The following RASGRF2 variants were observed in gnomAD, a reference collection of about 807,000 sequenced individuals.
RASGRF2 encodes the protein ras-specific guanine nucleotide-releasing factor 2.
A neutral mutation model predicts 151.0 loss-of-function variants in RASGRF2; 76 were observed. The observed-to-expected ratio is 0.50, with a 90% CI of 0.42 to 0.61. The LOEUF is 0.61. Ranked by LOEUF, RASGRF2 falls within the 20% of genes least tolerant of loss-of-function variation. The pLI is 0.00. For missense variants in RASGRF2, 1,148 were observed against 1,564.6 expected, an observed-to-expected ratio of 0.73 and a Z score of 4.49; for synonymous variants, 504 against 566.5, an observed-to-expected ratio of 0.89 and a Z score of 1.57.
At chr5:81,040,457 C>T (rs373555573) in intron 1 of RASGRF2, among the ~76,000 whole-genome samples, 108 of 152,286 alleles carry the variant, frequency 7.1e-4, no homozygotes, top group African/African-American at 2.5e-3. Context: ...TAATAATTAT[C>T]AATACAATAG....
At chr5:81,059,708 G>A (rs533926713) in intron 2 of RASGRF2, among the ~76,000 whole-genome samples, 1 of 151,718 alleles carries the variant, frequency 6.6e-6, no homozygotes, top group East Asian at 1.9e-4. Context: ...AGCCAGGCAT[G>A]GTGGCGGGCA....
chr5:81,190,950 G>C (rs1755142206), intron 18 of RASGRF2, among the ~76,000 whole-genome samples: 1 of 152,190 alleles, frequency 6.6e-6, no homozygotes, highest in Non-Finnish European at 1.5e-5. Context: ...TCTTATCTCT[G>C]TTGTAAGAGT....
At chr5:81,025,357 G>A (rs1401586075) in intron 1 of RASGRF2, among the ~76,000 whole-genome samples, 2 of 152,166 alleles carry the variant, frequency 1.3e-5, no homozygotes, top group Admixed American at 1.3e-4. Flanking sequence ...CAACTTCGGA[G>A]GACACAGGAA....
At chr5:81,059,473 TG>T in intron 2 of RASGRF2, among the ~76,000 whole-genome samples, 1 of 152,164 alleles carries the variant, frequency 6.6e-6, no homozygotes, top group South Asian at 2.1e-4. Context: ...GACTTTCTAT[TG>T]ATCTACGTGA....
At chr5:81,098,239 T>C (rs1052299836) in intron 12 of RASGRF2, among the ~76,000 whole-genome samples, 6 of 152,154 alleles carry the variant, frequency 3.9e-5, no homozygotes, top group African/African-American at 1.4e-4. Flanking sequence ...GATGGAGATA[T>C]CTGCTGGGAA....
intron 7 of RASGRF2, among the ~76,000 whole-genome samples, chr5:81,084,444 A>G (rs1258342737): frequency 6.6e-6 from 1 of 152,220 alleles, no homozygotes; most frequent in Non-Finnish European, 1.5e-5. Context: ...GAAGGAGCAG[A>G]AAATCTCCTC....
rs192489071 is a variant in RASGRF2, at chr5:81,001,468, A to C, written c.288+40442A>C. On this transcript the variant is annotated intron_variant, in intron 1 of 26. Transcript: ENST00000265080. The stretch of plus-strand genomic sequence containing the variant: ...GGTGTGCTTTATCCTTTTTACATGT[A>C]AGTATGTCTGTTTTCACTGCCATTC... Among the ~76,000 whole-genome samples, 20 of 152,050 alleles carry C rather than the reference A, an allele frequency of 1.3e-4. No homozygotes were observed. The East Asian group carries it at 3.7e-3, about 28-fold the overall frequency.
At position 81,108,832 on chromosome 5, in the gene RASGRF2, CTCTGTG is replaced by C. The variant is rs756189483; in HGVS notation, c.1756-162_1756-157del. Reference sequence around the variant, plus strand: ...TTCATCAGTGTATAATATTTACCTACTCTGTGTGTGTGTGTGTGTGTGTGTGTGTGT... The same window carrying C: ...TTCATCAGTGTATAATATTTACCTACTGTGTGTGTGTGTGTGTGTGTGTGT... On this transcript the variant is annotated intron_variant, in intron 12 of 26. Coordinates refer to ENST00000265080, the MANE Select transcript of RASGRF2 (RefSeq NM_006909.3). 5.4e-3 allele frequency among the ~76,000 whole-genome samples: 618 copies of C among 115,490 alleles called. 1 individual carries two copies. The highest frequency in any genetic ancestry group is 0.011 in the South Asian group (32 of 2,994). 75.8% of individuals were successfully genotyped at this position (115,490 alleles called of 152,430 possible).
rs759149415 is a variant in RASGRF2 at position 81,212,431 on chromosome 5, C to T, written c.3222C>T (p.Ile1074=). The change falls in exon 23 of 27, where the codon ATC becomes ATT. Residue 1074 remains isoleucine, a synonymous_variant. Coordinates refer to ENST00000265080, the MANE Select transcript of RASGRF2 (RefSeq NM_006909.3). ...YADVSSRANA[I]EKWVAVADIC... Reference sequence around the variant, plus strand: ...ATGTCAGCTCCCGTGCCAACGCCATCGAGAAATGGGTGGCAGTGGCGGACA... The same window carrying T: ...ATGTCAGCTCCCGTGCCAACGCCATTGAGAAATGGGTGGCAGTGGCGGACA... The T allele has an allele frequency of 5.6e-6, 9 of 1,614,028 alleles. No individual in the cohort carries two copies. In the East Asian group the frequency reaches 1.3e-4, roughly 24 times the overall value.
intron 2 of RASGRF2, among the ~76,000 whole-genome samples, chr5:81,053,322 A>T (rs1287140969): frequency 8.6e-6 from 1 of 116,524 alleles, no homozygotes; most frequent in Non-Finnish European, 1.6e-5. Flanking sequence ...CCCCCTTCCC[A>T]TGTCCAAGTG....
chr5:81,110,785 T>C (rs1752971573), intron 13 of RASGRF2, among the ~76,000 whole-genome samples: 1 of 152,220 alleles, frequency 6.6e-6, no homozygotes, highest in African/African-American at 2.4e-5. Context: ...CAGATCTTTT[T>C]ACGAATGAGC....
chr5:81,113,248 C>T, intron 14 of RASGRF2: 1 of 505,228 alleles, frequency 2.0e-6, no homozygotes. Flanking sequence ...TCTGATTCAG[C>T]AGGCCTGGTG....
chr5:81,216,018 GTA>G, intron 24 of RASGRF2, 63 bp downstream of exon 24: 1 of 1,338,710 alleles, frequency 7.5e-7, no homozygotes. Context: ...AATGTATATA[GTA>G]TACAAACAGT....
rs544041324 is a variant in RASGRF2 at position 81,013,633 on chromosome 5, G to T, written c.289-29244G>T. ...TATATGTTATGCTATGTATTATGTT[G>T]TGTATGTGTATATATATATGTTATT... On this transcript the variant is annotated intron_variant, in intron 1 of 26. Transcript: ENST00000265080. Among the ~76,000 whole-genome samples the T allele has an allele frequency of 5.9e-5, 9 of 151,414 alleles. No homozygotes were observed. In the South Asian group the frequency reaches 1.9e-3, roughly 31 times the overall value.
At chr5:81,076,053 A>G (rs1278821978) in intron 5 of RASGRF2, among the ~76,000 whole-genome samples, 1 of 152,220 alleles carries the variant, frequency 6.6e-6, no homozygotes, top group African/African-American at 2.4e-5. Flanking sequence ...ACCAACAACG[A>G]TGCCAAAAAA....
intron 7 of RASGRF2, 125 bp downstream of exon 7, chr5:81,080,914 GT>G: frequency 4.8e-6 from 4 of 832,840 alleles, no homozygotes; most frequent in Non-Finnish European, 5.6e-6. Flanking sequence ...TGTACCATCT[GT>G]TGCTGTCTTG....
At position 81,113,588 on chromosome 5, in the gene RASGRF2, T is replaced by G. The variant is rs16878472; in HGVS notation, c.2138T>G (p.Leu713Trp). The change falls in exon 15 of 27, where the codon TTG becomes TGG. Residue 713 changes from leucine to tryptophan, a missense_variant. Physicochemically the swap from Leu to Trp is moderately conservative, Grantham distance 61. This residue lies in a region of RASGRF2 where 646 missense variants were observed against 807.4 expected (regional missense o/e 0.80). Coordinates refer to ENST00000265080, the MANE Select transcript of RASGRF2 (RefSeq NM_006909.3). ...ATSQNNRGEH[L>W]VDGKSPRLCR... ...AGCCAGAACAACAGAGGTGAACATT[T>G]GGTGGATGGCAAATCCCCACGTCTG... 8.8e-3 allele frequency: 14,243 copies of G among 1,609,658 alleles called. 238 individuals are homozygous for G. The highest frequency in any genetic ancestry group is 0.044 in the African/African-American group (3,307 of 74,930).
At chr5:81,073,628 AT>A (rs1050606732) in intron 5 of RASGRF2, among the ~76,000 whole-genome samples, 176 bp downstream of exon 5, 4 of 151,266 alleles carry the variant, frequency 2.6e-5, no homozygotes, top group African/African-American at 7.3e-5. Context: ...TTATTTATTT[AT>A]TTTTTTTGAG....
At chr5:81,180,046 C>T (rs7723841) in intron 17 of RASGRF2, 129 bp from the exon 18 acceptor site, 11,723 of 625,952 alleles carry the variant, frequency 0.019, 1,029 homozygotes, top group African/African-American at 0.19. Context: ...TCTGAAGCCA[C>T]GCGCACCTCT....
Sources: gnomAD v4.1 joint callset for allele counts (sites outside exome capture counted in the v4.1 genomes callset) on GRCh38, gnomAD v4.1.1 for gene constraint, gnomAD v4.1.1 regional missense constraint, MANE v1.5 for transcripts, NCBI Gene and HGNC (gene_info 2026-07-23, HGNC 2026-07-21) for gene names.